FASTKD3: variants seen among roughly 807,000 people sequenced by gnomAD.
The protein encoded by FASTKD3 is FAST kinase domain-containing protein 3, mitochondrial.
Under a neutral mutation model 49.7 loss-of-function variants are expected in FASTKD3, and 47 were observed. That is an observed-to-expected ratio of 0.95 (90% confidence interval 0.75 to 1.21). The LOEUF is 1.21. FASTKD3 is among the 50% of genes most tolerant of loss of function. The pLI is 0.00. For synonymous variants in FASTKD3, 284 were observed against 288.6 expected, an observed-to-expected ratio of 0.98 and a Z score of 0.16; for missense variants, 748 against 765.7, an observed-to-expected ratio of 0.98 and a Z score of 0.27.
intron 3 of FASTKD3, 154 bp from the exon 4 acceptor site, chr5:7,863,151 A>T (rs1044408857): frequency 7.4e-6 from 5 of 673,988 alleles, no homozygotes; most frequent in African/African-American, 1.8e-5. Context: ...TCTCAAAATG[A>T]TAATGCAAAC....
rs774017420 is a variant in FASTKD3, at chr5:7,863,036, A to G, written c.1525-39T>C. 5.8e-6 allele frequency: 9 copies of G among 1,544,756 alleles called. No homozygotes were observed. In the East Asian group the frequency reaches 1.8e-4, roughly 31 times the overall value. On this transcript the variant is annotated intron_variant, in intron 3 of 6. Coordinates refer to ENST00000264669, the MANE Select transcript of FASTKD3 (RefSeq NM_024091.4). ...AGTGCAAATGTGAGAAAGAAAAATA[A>G]GATATAACAACAGAGAATAAATTGA... is the stretch of plus-strand genomic sequence containing the variant.
At chr5:7,859,960 C>T (rs1055691044) in intron 6 of FASTKD3, among the ~76,000 whole-genome samples, 7 of 151,778 alleles carry the variant, frequency 4.6e-5, no homozygotes, top group East Asian at 1.9e-4. Context: ...AGCTGGAGGA[C>T]GCAGCAGGGA....
At position 7,861,241 on chromosome 5, in the gene FASTKD3, G is replaced by T; in HGVS notation, c.1792C>A (p.Pro598Thr). Residue 598 changes from proline to threonine, a missense_variant, in exon 6 of 7, where the codon CCA (proline) becomes ACA (threonine). Coordinates refer to ENST00000264669, the MANE Select transcript of FASTKD3 (RefSeq NM_024091.4). ...TTGCTATTGGAGCAAAACCTTTTTG[G>T]ACCATCAATACACAGTGCTATCCTG... The part of the protein sequence containing the change: ...HKRIALCIDG[P>T]KRFCSNSKHL... 6.2e-7 allele frequency: 1 copy of T among 1,609,220 alleles called. No homozygotes were observed. The highest frequency in any genetic ancestry group is 8.5e-7 in the Non-Finnish European group (1 of 1,176,282).
chr5:7,861,825 G>A, intron 4 of FASTKD3, 173 bp from the exon 5 acceptor site: 1 of 1,302,004 alleles, frequency 7.7e-7, no homozygotes, highest in Non-Finnish European at 9.9e-7. Context: ...AATTCAATTG[G>A]CTTTATGATC....
In FASTKD3 at chr5:7,861,141, A is replaced by G. The variant is rs762161933; in HGVS notation, c.1884+8T>C. The G allele has an allele frequency of 5.8e-6, 9 of 1,540,518 alleles. No homozygotes were observed. Among genetic ancestry groups the G allele is most frequent in the South Asian group, 2.3e-5 (2 of 85,866 alleles). ...TTTGGGAAACAAAAAAAATAGGTGA[A>G]ACCGTACCTGAACAACTTGATAACC... On this transcript the variant is annotated splice_region_variant and intron_variant, in intron 6 of 6. Transcript: ENST00000264669.
chr5:7,859,468 A>T lies in FASTKD3; in HGVS notation c.1956T>A (p.Phe652Leu), dbSNP rs1047399591. ...GCAACCAATGAACAGTGTTTTGAGA[A>T]AACAGTTTTCTTTGTAAATATTCCA... Reference protein sequence around the residue: ...ELVEYLQRKLFSQNTVHWLQE With the variant: ...ELVEYLQRKLLSQNTVHWLQE The change falls in exon 7 of 7, where the codon TTT (phenylalanine) becomes TTA (leucine). Residue 652 changes from phenylalanine to leucine, a missense_variant. Physicochemically the swap from Phe to Leu is conservative, Grantham distance 22 (BLOSUM62 0). Coordinates refer to ENST00000264669, the MANE Select transcript of FASTKD3 (RefSeq NM_024091.4). 1.3e-5 allele frequency: 21 copies of T among 1,607,568 alleles called. No individual in the cohort carries two copies. Among genetic ancestry groups the T allele is most frequent in the Non-Finnish European group, 1.8e-5 (21 of 1,176,812 alleles).
intron 5 of FASTKD3, 108 bp downstream of exon 5, chr5:7,861,475 T>C (rs894240888): frequency 4.1e-5 from 33 of 809,296 alleles, no homozygotes; most frequent in Non-Finnish European, 5.4e-5. Context: ...TGTAGTATTT[T>C]AATTTCCAGA....
Position 7,859,392 on chromosome 5 carries a change from A to G in FASTKD3, c.*43T>C. 1 of 1,311,148 alleles carries G rather than the reference A, an allele frequency of 7.6e-7. No individual in the cohort carries two copies. Among genetic ancestry groups the G allele is most frequent in the Admixed American group, 2.0e-5 (1 of 50,428 alleles). 81.2% of individuals were successfully genotyped at this position (1,311,148 alleles called of 1,614,324 possible). On this transcript the variant is annotated 3_prime_UTR_variant, in exon 7 of 7. Transcript: ENST00000264669. Reference sequence around the variant, plus strand: ...TTTTTCTTTTAATACTGAGTTCCATAAAAATGCAAGTTCTTCCATTGTTTG... The same window carrying G: ...TTTTTCTTTTAATACTGAGTTCCATGAAAATGCAAGTTCTTCCATTGTTTG...
chr5:7,859,923 A>C (rs16879237), intron 6 of FASTKD3, among the ~76,000 whole-genome samples: 2,542 of 152,260 alleles, frequency 0.017, 71 homozygotes, highest in African/African-American at 0.058. Context: ...GGATGCCGAC[A>C]AACTGCTGGA....
At chr5:7,862,048 T>A (rs900328983) in intron 4 of FASTKD3, 1 of 156,488 alleles carries the variant, frequency 6.4e-6, no homozygotes, top group Non-Finnish European at 1.4e-5. Context: ...CAACTTGCAG[T>A]GCCTCCATGG....
At position 7,859,497 on chromosome 5, in the gene FASTKD3, A is replaced by T. The variant is rs543899644; in HGVS notation, c.1927T>A (p.Leu643Met). The T allele has an allele frequency of 6.2e-7, 1 of 1,606,772 alleles. No individual in the cohort carries two copies. The highest frequency in any genetic ancestry group is 1.3e-5 in the African/African-American group (1 of 74,704). ...AGTTTTCTTTGTAAATATTCCACCA[A>T]TTCACGTCTTGATTTTAGCATCCCA... ...EIGMLKSRRE[L>M]VEYLQRKLFS... The change falls in exon 7 of 7, where the codon TTG (leucine) becomes ATG (methionine). Residue 643 changes from leucine (L) to methionine (M), a missense_variant. Around this residue, in one of 3 missense-constraint regions of FASTKD3, gnomAD observed 178 missense variants for 182.2 expected, o/e 0.98. Transcript: ENST00000264669.
Position 7,867,892 on chromosome 5 carries a change from C to G in FASTKD3, c.192G>C (p.Lys64Asn). Residue 64 changes from lysine (K) to asparagine (N), a missense_variant, in exon 2 of 7, where the codon AAG becomes AAC. Transcript: ENST00000264669. ...GVKFHHAHCK[K>N]FHSKNGNDLH... ...GGTCATTTCCATTTTTCGAATGAAA[C>G]TTTTTACAATGGGCATGATGGAATT... 6.2e-7 allele frequency: 1 copy of G among 1,613,886 alleles called. No individual in the cohort carries two copies. The highest frequency in any genetic ancestry group is 1.1e-5 in the South Asian group (1 of 91,048).
Position 7,859,532 on chromosome 5 carries a change from T to G in FASTKD3, c.1892A>C (p.Tyr631Ser). The G allele has an allele frequency of 6.3e-7, 1 of 1,590,746 alleles. No individual in the cohort carries two copies. The highest frequency in any genetic ancestry group is 8.6e-7 in the Non-Finnish European group (1 of 1,165,376). ...TGATTTTAGCATCCCAATCTCATGA[T>G]AGGGGATCTGTAAAGGTAGAAAAGT... ...LLGYQVVQIP[Y>S]HEIGMLKSRR... The change falls in exon 7 of 7, where the codon TAT (tyrosine) becomes TCT (serine). Residue 631 changes from tyrosine (Y) to serine (S), a missense_variant. Physicochemically the swap from Tyr to Ser is moderately radical, Grantham distance 144. This residue lies in a region of FASTKD3 where 178 missense variants were observed against 182.2 expected (regional missense o/e 0.98). Transcript: ENST00000264669.
intron 1 of FASTKD3, among the ~76,000 whole-genome samples, chr5:7,868,432 G>C (rs940564182): frequency 9.9e-5 from 15 of 152,204 alleles, no homozygotes; most frequent in African/African-American, 3.6e-4. Context: ...TATGCAGGTG[G>C]TTAAGTGGCA....
Position 7,868,064 on chromosome 5 carries a change from C to T in FASTKD3, c.20G>A (p.Arg7Lys). Residue 7 changes from arginine (R) to lysine (K), a missense_variant, in exon 2 of 7, where the codon AGG (arginine) becomes AAG (lysine). Transcript: ENST00000264669. ...ATCAGATAAACGATAAAGGTTCTTC[C>T]TCAAGGTGATTAATGCCATACCATC... MALITL[R>K]KNLYRLSDFQ... is the part of the protein sequence containing the mutation. 6.2e-7 allele frequency: 1 copy of T among 1,606,688 alleles called. No homozygotes were observed. Among genetic ancestry groups the T allele is most frequent in the Non-Finnish European group, 8.5e-7 (1 of 1,177,630 alleles).
In FASTKD3 at chr5:7,868,997, C is replaced by T. The variant is rs1213725933; in HGVS notation, c.-132G>A. 3 of 994,252 alleles carry T rather than the reference C, an allele frequency of 3.0e-6. No individual in the cohort carries two copies. Among genetic ancestry groups the T allele is most frequent in the Non-Finnish European group, 4.8e-6 (3 of 628,820 alleles). The allele number at this position is 994,252 out of a possible 1,614,324, so 61.6% of individuals were successfully genotyped here. On this transcript the variant is annotated 5_prime_UTR_variant, in exon 1 of 7. Coordinates refer to ENST00000264669, the MANE Select transcript of FASTKD3 (RefSeq NM_024091.4). ...CACCTACCGCGCTCTGCCGGGCAAT[C>T]ACTCCGGGTGGTCGCGGAAGCGCCT...
chr5:7,867,338 T>C lies in FASTKD3; in HGVS notation c.746A>G (p.Glu249Gly). ...CACAATATCCTCCGGGGTAAATGTT[T>C]CCAATTTTTCACCTTGAAGTTGATT... ...IINQLQGEKLETFTPEDIVAL... is the reference protein window; with the variant it reads ...IINQLQGEKLGTFTPEDIVAL... Residue 249 changes from glutamate to glycine, a missense_variant, in exon 2 of 7, where the codon GAA becomes GGA. Coordinates refer to ENST00000264669, the MANE Select transcript of FASTKD3 (RefSeq NM_024091.4). 1 of 1,614,102 alleles carries C rather than the reference T, an allele frequency of 6.2e-7. No homozygotes were observed. Among genetic ancestry groups the C allele is most frequent in the Non-Finnish European group, 8.5e-7 (1 of 1,180,040 alleles).
chr5:7,861,438 G>A (rs1746523791), intron 5 of FASTKD3, 145 bp downstream of exon 5: 1 of 629,920 alleles, frequency 1.6e-6, no homozygotes. Flanking sequence ...AATATTACAA[G>A]GAATTTCCCA....
chr5:7,868,830 A>C (rs1188246680), intron 1 of FASTKD3, 149 bp downstream of exon 1: 1 of 506,784 alleles, frequency 2.0e-6, no homozygotes, highest in African/African-American at 2.0e-5. Context: ...TAGGAATGAA[A>C]GGGACCCGCG....
Sources: gnomAD v4.1 joint callset for allele counts (sites outside exome capture counted in the v4.1 genomes callset) on GRCh38, gnomAD v4.1.1 for gene constraint, gnomAD v4.1.1 regional missense constraint, MANE v1.5 for transcripts, NCBI Gene and HGNC (gene_info 2026-07-23, HGNC 2026-07-21) for gene names.